The following SMTN variants were observed in gnomAD, a reference collection of about 807,000 sequenced individuals.
SMTN encodes the protein smoothelin.
SMTN carries 58 observed loss-of-function variants against 102.0 expected under a neutral mutation model. The observed-to-expected ratio is 0.57, with a 90% CI of 0.46 to 0.71. The LOEUF is 0.71. Among genes scored for constraint, SMTN ranks in the 30% least tolerant of loss-of-function variants. SMTN has a pLI of 0.00. For synonymous variants in SMTN, 478 were observed against 497.9 expected, an observed-to-expected ratio of 0.96 and a Z score of 0.53; for missense variants, 1,185 against 1,241.7, an observed-to-expected ratio of 0.95 and a Z score of 0.69.
At chr22:31,082,352 C>T (rs890770065) in intron 1 of SMTN, 1 of 353,014 alleles carries the variant, frequency 2.8e-6, no homozygotes, top group Non-Finnish European at 5.9e-6. Flanking sequence ...AGATGGGGCT[C>T]TTGCCTCTGT....
Position 31,100,966 on chromosome 22 carries a change from G to A in SMTN, c.2685G>A (p.Thr895=), listed in dbSNP as rs1374107450. ...LREPDWKCVY[T]YIQEFYRCLV... is the part of the protein sequence containing the mutation. ...AGCCTGACTGGAAGTGCGTGTACAC[G>A]TACATCCAGGAATTCTACCGCTGTC... The change falls in exon 20 of 21, where the codon ACG becomes ACA. Residue 895 remains threonine, a synonymous_variant. Coordinates refer to ENST00000333137, the MANE Select transcript of SMTN (RefSeq NM_134269.3). The A allele has an allele frequency of 3.7e-6, 6 of 1,612,604 alleles. No homozygotes were observed. Among genetic ancestry groups the A allele is most frequent in the Non-Finnish European group, 4.2e-6 (5 of 1,179,422 alleles).
In SMTN at chr22:31,098,841, G is replaced by A. The variant is rs1316860222; in HGVS notation, c.2333+1G>A. 6.2e-7 allele frequency: 1 copy of A among 1,601,506 alleles called. No homozygotes were observed. The highest frequency in any genetic ancestry group is 1.7e-5 in the Admixed American group (1 of 59,012). On this transcript the variant is annotated splice_donor_variant, in intron 17 of 20. Coordinates refer to ENST00000333137, the MANE Select transcript of SMTN (RefSeq NM_134269.3). LOFTEE classifies it high-confidence loss of function. ...AGCTGGAGAAGGAGGGCGCGGCCGGGTGAGCTGCAGAAGTGGGCTGGGCAG... is the reference window on the plus strand; with the variant it reads ...AGCTGGAGAAGGAGGGCGCGGCCGGATGAGCTGCAGAAGTGGGCTGGGCAG...
At chr22:31,094,656 C>G (rs939734147) in intron 11 of SMTN, among the ~76,000 whole-genome samples, 3 of 134,406 alleles carry the variant, frequency 2.2e-5, no homozygotes, top group African/African-American at 6.1e-5. Context: ...GCCTCAGTTT[C>G]CCCTTCTGTT....
At chr22:31,074,968 G>A (rs2042094818) in intron 1 of SMTN, among the ~76,000 whole-genome samples, 1 of 152,178 alleles carries the variant, frequency 6.6e-6, no homozygotes, top group South Asian at 2.1e-4. Flanking sequence ...CTGTCAGGGA[G>A]TGTTAGTATT....
intron 19 of SMTN, 23 bp from the exon 20 acceptor site, chr22:31,100,862 T>TCCCCGCCCCCCACCCCC: frequency 1.2e-6 from 1 of 805,000 alleles, no homozygotes. Flanking sequence ...CCCCACCCCT[T>TCCCCGCCCCCCACCCCC]CCCGGCCCCC....
chr22:31,104,361 G>A lies in SMTN; in HGVS notation c.*66G>A, dbSNP rs2044330801. ...CCCTGGTGGAGGTGGACGACATGATGATCATGGGCAAGAAGCCTGACCCCA... is the reference window on the plus strand; with the variant it reads ...CCCTGGTGGAGGTGGACGACATGATAATCATGGGCAAGAAGCCTGACCCCA... On this transcript the variant is annotated 3_prime_UTR_variant, in exon 21 of 21. Transcript: ENST00000333137. 2.5e-6 allele frequency: 4 copies of A among 1,614,196 alleles called. No homozygotes were observed. The East Asian group carries it at 8.9e-5, about 36-fold the overall frequency.
At chr22:31,078,849 G>C (rs1167776519), upstream of SMTN, among the ~76,000 whole-genome samples, 1 of 149,626 alleles carries the variant, frequency 6.7e-6, no homozygotes, top group Non-Finnish European at 1.5e-5. Flanking sequence ...CTGCACTCCA[G>C]CCTGTGGGAC....
At chr22:31,090,676 G>T in intron 8 of SMTN, 132 bp from the exon 9 acceptor site, 2 of 753,972 alleles carry the variant, frequency 2.7e-6, no homozygotes, top group Non-Finnish European at 2.4e-6. Flanking sequence ...GAGAGGTGGG[G>T]TGGGGGTTGA....
intron 19 of SMTN, among the ~76,000 whole-genome samples, chr22:31,100,502 C>T (rs1357203511): frequency 3.3e-5 from 5 of 151,868 alleles, no homozygotes; most frequent in Non-Finnish European, 5.9e-5. Flanking sequence ...CCTCCTCTCA[C>T]GCCTCCCTCA....
intron 2 of SMTN, chr22:31,085,207 C>A: frequency 6.5e-7 from 1 of 1,535,316 alleles, no homozygotes; most frequent in East Asian, 2.4e-5. Flanking sequence ...ACCTTGGTTT[C>A]TTCCCTTTAG....
In SMTN at chr22:31,104,622, C is replaced by G. The variant is rs113206389; in HGVS notation, c.*327C>G. The G allele has an allele frequency of 7.5e-6, 6 of 796,208 alleles. No homozygotes were observed. The highest frequency in any genetic ancestry group is 1.7e-5 in the African/African-American group (1 of 58,618). 49.3% of individuals were successfully genotyped at this position (796,208 alleles called of 1,614,324 possible). Reference sequence around the variant, plus strand: ...GTTTTGATAAATTATTGGTTTTCAACGATCCTGACTCCTCTCTGCGTCTCC... The same window carrying G: ...GTTTTGATAAATTATTGGTTTTCAAGGATCCTGACTCCTCTCTGCGTCTCC... On this transcript the variant is annotated 3_prime_UTR_variant, in exon 21 of 21. Transcript: ENST00000333137.
At chr22:31,078,600 C>T (rs2042185959), upstream of SMTN, among the ~76,000 whole-genome samples, 1 of 152,286 alleles carries the variant, frequency 6.6e-6, no homozygotes, top group Non-Finnish European at 1.5e-5. Context: ...GAACCACCCA[C>T]ATTTCCTGCT....
rs2043478368 is a variant in SMTN at position 31,095,226 on chromosome 22, C to T, written c.1633-77C>T. On this transcript the variant is annotated intron_variant, in intron 11 of 20. Transcript: ENST00000333137. This position sits in a 1 kb window ranked among gnomAD's most constrained non-coding sequence, Gnocchi z 4.1. ...GGCGTGCCAGCAACCCTAGGATCTG[C>T]TTCCCTATCCATTGGAGACATGATG... The T allele has an allele frequency of 6.8e-7, 1 of 1,475,398 alleles. No individual in the cohort carries two copies. Among genetic ancestry groups the T allele is most frequent in the South Asian group, 1.2e-5 (1 of 82,662 alleles). 91.4% of individuals were successfully genotyped at this position (1,475,398 alleles called of 1,614,324 possible).
intron 17 of SMTN, 108 bp downstream of exon 17, chr22:31,098,948 C>T (rs1284175154): frequency 2.6e-6 from 4 of 1,546,648 alleles, no homozygotes; most frequent in Non-Finnish European, 2.6e-6. Flanking sequence ...GCGGCTAGAT[C>T]TGTGGTGCAA....
At chr22:31,097,515 C>T (rs557270481) in intron 16 of SMTN, among the ~76,000 whole-genome samples, 177 bp downstream of exon 16, 6 of 152,014 alleles carry the variant, frequency 3.9e-5, no homozygotes, top group East Asian at 1.9e-4. Context: ...ACCAGCCTGG[C>T]CAACATGGTA....
rs779872874 is a variant in SMTN at position 31,099,746 on chromosome 22, A to G, written c.2453A>G (p.His818Arg). ...GACCAGTCCTCCTACGGCTTATAGC[A>G]CGTCGACATCCAGAACTTCTCCTCC... ...WCRAKTRGYE[H>R]VDIQNFSSSW... The change falls in exon 19 of 21, where the codon CAC becomes CGC. Residue 818 changes from histidine (H) to arginine (R), a missense_variant and splice_region_variant. By Grantham distance (29) the His-to-Arg change is conservative. Around this residue, in one of 2 missense-constraint regions of SMTN, gnomAD observed 1,096 missense variants for 1,112.7 expected, o/e 0.98. Transcript: ENST00000333137. The G allele has an allele frequency of 5.0e-6, 8 of 1,613,892 alleles. No individual in the cohort carries two copies. In the South Asian group the frequency reaches 6.6e-5, roughly 13 times the overall value.
At chr22:31,100,407 A>G (rs1295862490) in intron 19 of SMTN, among the ~76,000 whole-genome samples, 2 of 151,254 alleles carry the variant, frequency 1.3e-5, no homozygotes, top group Non-Finnish European at 1.5e-5. Flanking sequence ...ACCCTTCTCC[A>G]TCTGTCTTCC....
intron 11 of SMTN, among the ~76,000 whole-genome samples, 172 bp downstream of exon 11, chr22:31,092,019 C>T (rs2043180871): frequency 1.3e-5 from 2 of 152,226 alleles, no homozygotes; most frequent in Non-Finnish European, 2.9e-5. Flanking sequence ...GGTGGCAGAG[C>T]TAAGGCCAGA....
Position 31,104,330 on chromosome 22 carries a change from G to C in SMTN, c.*35G>C, listed in dbSNP as rs766136807. On this transcript the variant is annotated 3_prime_UTR_variant, in exon 21 of 21. Transcript: ENST00000333137. ...CCTCCCTGCAGGATGCTGGTGGACT[G>C]TGTGCCCCTGGTGGAGGTGGACGAC... The C allele has an allele frequency of 5.0e-6, 8 of 1,614,208 alleles. No individual in the cohort carries two copies. The highest frequency in any genetic ancestry group is 1.7e-5 in the Admixed American group (1 of 60,028).
Sources: allele counts gnomAD v4.1 joint callset (sites outside exome capture counted in the v4.1 genomes callset), GRCh38; gene constraint gnomAD v4.1.1; regional missense constraint gnomAD v4.1.1; non-coding constraint Gnocchi (gnomAD v3.1); transcripts MANE v1.5; gene names NCBI Gene and HGNC (gene_info 2026-07-23, HGNC 2026-07-21).